Variants in CYP20A1 observed in about 807,000 individuals in gnomAD.
The protein encoded by CYP20A1 is cytochrome P450 20A1.
A neutral mutation model predicts 61.4 loss-of-function variants in CYP20A1; 61 were observed. The ratio of observed to expected loss-of-function variants is 0.99; its 90% confidence interval spans 0.81 to 1.23. The LOEUF (loss-of-function observed/expected upper bound fraction) is 1.23, where lower values mean the gene tolerates loss of function less well. Ranked by LOEUF, CYP20A1 falls within the 50% of genes most tolerant of loss-of-function variation. The pLI is 0.00. For synonymous variants in CYP20A1, 193 were observed against 188.2 expected (o/e 1.03, Z -0.21); for missense variants, 530 against 542.4 (o/e 0.98, Z 0.23).
At chr2:203,272,585 C>T in intron 5 of CYP20A1, 85 bp from the exon 6 acceptor site, 5 of 455,246 alleles carry the variant, frequency 1.1e-5, no homozygotes, top group South Asian at 6.0e-5. Flanking sequence ...TTAAAGAGTT[C>T]CTAAGTCATT....
At chr2:203,284,171 G>A (rs527318687) in intron 8 of CYP20A1, among the ~76,000 whole-genome samples, 1 of 152,110 alleles carries the variant, frequency 6.6e-6, no homozygotes, top group African/African-American at 2.4e-5. Flanking sequence ...AACAATATTG[G>A]TAATAAGGTG....
At chr2:203,294,179 T>C (rs957031334) in intron 11 of CYP20A1, among the ~76,000 whole-genome samples, 4 of 152,062 alleles carry the variant, frequency 2.6e-5, no homozygotes, top group African/African-American at 9.7e-5. Flanking sequence ...TTTATTTTTA[T>C]TTTTATTTTT....
rs1273760800 is a variant in CYP20A1 at position 203,300,961 on chromosome 2, C to A, written c.*4053C>A. Among the ~76,000 whole-genome samples the A allele has an allele frequency of 6.7e-6, 1 of 148,356 alleles. No homozygotes were observed. Among genetic ancestry groups the A allele is most frequent in the African/African-American group, 2.5e-5 (1 of 40,186 alleles). On this transcript the variant is annotated 3_prime_UTR_variant, in exon 13 of 13. Transcript: ENST00000356079. Reference sequence around the variant, plus strand: ...CCTGTAATCCCAGCACTTTGGGAGGCTGAGGCGGGCAGATCACCTGAAGTC... The same window carrying A: ...CCTGTAATCCCAGCACTTTGGGAGGATGAGGCGGGCAGATCACCTGAAGTC...
intron 6 of CYP20A1, among the ~76,000 whole-genome samples, chr2:203,273,569 A>G (rs1311220600): frequency 6.6e-6 from 1 of 152,098 alleles, no homozygotes; most frequent in Non-Finnish European, 1.5e-5. Flanking sequence ...GGAGGCTGAG[A>G]TGAGAGGATC....
intron 1 of CYP20A1, among the ~76,000 whole-genome samples, chr2:203,243,495 C>A (rs2066334514): frequency 6.6e-6 from 1 of 151,868 alleles, no homozygotes; most frequent in African/African-American, 2.4e-5. Flanking sequence ...GGCTCAAATC[C>A]CGCCTCAGCC....
chr2:203,262,758 G>A lies in CYP20A1; in HGVS notation c.433-3756G>A, dbSNP rs1031770988. Among the ~76,000 whole-genome samples, 5 of 150,836 alleles carry A rather than the reference G, an allele frequency of 3.3e-5. No homozygotes were observed. In the Admixed American group the frequency reaches 3.3e-4, roughly 10 times the overall value. On this transcript the variant is annotated intron_variant, in intron 4 of 12. Transcript: ENST00000356079. ...GGCTGGAGTGCACTGGCGCGATCTC[G>A]GCTCACTGCAAGCTCCGCCTCCCGG...
rs1304282717 is a variant in CYP20A1, at chr2:203,302,572, A to ATATATTATACAAAATATTATTTGC, written c.*5664_*5665insTATATTATACAAAATATTATTTGC. On this transcript the variant is annotated 3_prime_UTR_variant, in exon 13 of 13. Transcript: ENST00000356079. ...ATAGATACTCTTTTTATGCATATGT[A>ATATATTATACAAAATATTATTTGC]ATTTATATATATTATACAAAATATT... 6.6e-6 allele frequency among the ~76,000 whole-genome samples: 1 copy of ATATATTATACAAAATATTATTTGC among 152,156 alleles called. No individual in the cohort carries two copies. The highest frequency in any genetic ancestry group is 1.5e-5 in the Non-Finnish European group (1 of 68,046).
chr2:203,278,516 A>G, intron 6 of CYP20A1, 57 bp from the exon 7 acceptor site: 1 of 706,038 alleles, frequency 1.4e-6, no homozygotes, highest in South Asian at 2.8e-5. Flanking sequence ...TTATTTTTTT[A>G]AAGTTCAGTC....
chr2:203,270,736 C>CTTT (rs551427259), intron 5 of CYP20A1, among the ~76,000 whole-genome samples: 1 of 127,976 alleles, frequency 7.8e-6, no homozygotes, highest in Non-Finnish European at 1.7e-5. Context: ...TTTTTTTTTT[C>CTTT]TTTTTTTTTT....
In CYP20A1 at chr2:203,246,762, A is replaced by G. The variant is rs1284923473; in HGVS notation, c.130A>G (p.Asn44Asp). The change falls in exon 3 of 13, where the codon AAT becomes GAT. Residue 44 changes from asparagine to aspartate, a missense_variant. By Grantham distance (23) the Asn-to-Asp change is conservative. Coordinates refer to ENST00000356079, the MANE Select transcript of CYP20A1 (RefSeq NM_177538.3). ...GITPTEEKDGNLPDIVNSGSL... is the reference protein window; with the variant it reads ...GITPTEEKDGDLPDIVNSGSL... ...ATGTTGCTCTTTTGCCAGAGATGGTAATCTTCCAGATATTGTGAATAGTGG... is the reference window on the plus strand; with the variant it reads ...ATGTTGCTCTTTTGCCAGAGATGGTGATCTTCCAGATATTGTGAATAGTGG... The G allele has an allele frequency of 6.2e-7, 1 of 1,609,568 alleles. No homozygotes were observed. Among genetic ancestry groups the G allele is most frequent in the South Asian group, 1.1e-5 (1 of 89,444 alleles).
intron 5 of CYP20A1, among the ~76,000 whole-genome samples, chr2:203,267,023 G>A (rs1297682637): frequency 1.3e-5 from 2 of 151,950 alleles, no homozygotes; most frequent in African/African-American, 4.8e-5. Flanking sequence ...AGCCAGGCAT[G>A]GTGGCATGTG....
At position 203,299,735 on chromosome 2, in the gene CYP20A1, T is replaced by G. The variant is rs2068943939; in HGVS notation, c.*2827T>G. Among the ~76,000 whole-genome samples the G allele has an allele frequency of 6.6e-6, 1 of 151,894 alleles. No individual in the cohort carries two copies. The highest frequency in any genetic ancestry group is 1.5e-5 in the Non-Finnish European group (1 of 67,970). The stretch of plus-strand genomic sequence containing the variant: ...ACTAAAAATACAAAATTAGCCAGGC[T>G]TGGTGGTGCATGCCTGTAATACCAG... On this transcript the variant is annotated 3_prime_UTR_variant, in exon 13 of 13. Transcript: ENST00000356079.
rs2068804998 is a variant in CYP20A1, at chr2:203,296,531, A to C, written c.1206A>C (p.Gly402=). The change falls in exon 12 of 13, where the codon GGA becomes GGC. Residue 402 remains glycine, a synonymous_variant. Coordinates refer to ENST00000356079, the MANE Select transcript of CYP20A1 (RefSeq NM_177538.3). ...TAATGAAAACTTTTTCCTCACTTGGATTCTCAGGCACACAGGAGTGTCCAG... is the reference window on the plus strand; with the variant it reads ...TAATGAAAACTTTTTCCTCACTTGGCTTCTCAGGCACACAGGAGTGTCCAG... The part of the protein sequence containing the change: ...ELVMKTFSSL[G]FSGTQECPEL... The C allele has an allele frequency of 6.2e-7, 1 of 1,612,838 alleles. No homozygotes were observed. The highest frequency in any genetic ancestry group is 8.5e-7 in the Non-Finnish European group (1 of 1,179,290).
chr2:203,256,264 C>T (rs116318857), intron 4 of CYP20A1, among the ~76,000 whole-genome samples: 5,751 of 152,266 alleles, frequency 0.038, 355 homozygotes, highest in African/African-American at 0.13. Context: ...CCACTGCACC[C>T]GGCCAGTTTC....
rs2068897190 is a variant in CYP20A1, at chr2:203,298,514, C to G, written c.*1606C>G. On this transcript the variant is annotated 3_prime_UTR_variant, in exon 13 of 13. Coordinates refer to ENST00000356079, the MANE Select transcript of CYP20A1 (RefSeq NM_177538.3). The stretch of plus-strand genomic sequence containing the variant: ...ACCAGCCAGGCCAACTTGGTGAAAC[C>G]CCGTCTCTACTAAAAATACAAAAAA... 6.8e-6 allele frequency among the ~76,000 whole-genome samples: 1 copy of G among 146,172 alleles called. No individual in the cohort carries two copies. The highest frequency in any genetic ancestry group is 7.1e-5 in the Admixed American group (1 of 14,034).
At position 203,262,699 on chromosome 2, in the gene CYP20A1, G is replaced by GT. The variant is rs1307790793; in HGVS notation, c.433-3806dup. On this transcript the variant is annotated intron_variant, in intron 4 of 12. Coordinates refer to ENST00000356079, the MANE Select transcript of CYP20A1 (RefSeq NM_177538.3). ...TTGTTGTTGTTGTTGTTTGTTTTTT[G>GT]TTTTTTTTTGAGACGGAGTCTTACT... Among the ~76,000 whole-genome samples the GT allele has an allele frequency of 1.9e-3, 289 of 149,498 alleles. 2 individuals carry two copies. The highest frequency in any genetic ancestry group is 1.8e-3 in the Non-Finnish European group (123 of 67,224).
intron 2 of CYP20A1, 86 bp downstream of exon 2, chr2:203,245,981 T>G: frequency 1.1e-6 from 1 of 922,510 alleles, no homozygotes; most frequent in Non-Finnish European, 1.7e-6. Flanking sequence ...CCAATCATGG[T>G]AGCTGTTGCC....
intron 5 of CYP20A1, among the ~76,000 whole-genome samples, chr2:203,268,476 T>G (rs1230894484): frequency 6.6e-6 from 1 of 152,206 alleles, no homozygotes; most frequent in Admixed American, 6.6e-5. Flanking sequence ...TGATATTTCA[T>G]GAGTAGATTC....
intron 6 of CYP20A1, among the ~76,000 whole-genome samples, chr2:203,274,515 A>AT (rs1334464901): frequency 6.6e-6 from 1 of 152,048 alleles, no homozygotes; most frequent in Non-Finnish European, 1.5e-5. Context: ...ACCTCAATTC[A>AT]TTTTTTTGGA....
Sources: gnomAD v4.1 joint callset for allele counts (sites outside exome capture counted in the v4.1 genomes callset) on GRCh38, gnomAD v4.1.1 for gene constraint, MANE v1.5 for transcripts, NCBI Gene and HGNC (gene_info 2026-07-23, HGNC 2026-07-21) for gene names.